KLKB1: variants seen among roughly 807,000 people sequenced by gnomAD.
KLKB1 encodes the protein kallikrein B1.
KLKB1 carries 58 observed loss-of-function variants against 73.6 expected under a neutral mutation model. The observed-to-expected ratio is 0.79, with a 90% CI of 0.64 to 0.98. The LOEUF is 0.98. Among genes scored for constraint, KLKB1 ranks in the 50% least tolerant of loss-of-function variants. KLKB1 has a pLI of 0.00. For missense variants in KLKB1, 737 were observed against 763.8 expected (o/e 0.96, Z 0.41); for synonymous variants, 280 against 258.1 (o/e 1.08, Z -0.81).
intron 6 of KLKB1, among the ~76,000 whole-genome samples, chr4:186,242,104 T>C (rs1738082664): frequency 6.6e-6 from 1 of 150,382 alleles, no homozygotes; most frequent in Non-Finnish European, 1.5e-5. Context: ...TTTGGGTAGG[T>C]AGTGGAAAAT....
intron 5 of KLKB1, 41 bp downstream of exon 5, chr4:186,236,981 T>C (rs1407695136): frequency 4.4e-6 from 7 of 1,601,380 alleles, no homozygotes; most frequent in Non-Finnish European, 5.1e-6. Flanking sequence ...TATTGGTGCC[T>C]CCAGGATTTC....
chr4:186,234,842 G>A (rs746575351), intron 4 of KLKB1, among the ~76,000 whole-genome samples: 8 of 152,200 alleles, frequency 5.3e-5, no homozygotes, highest in Non-Finnish European at 1.2e-4. Context: ...GGACTGATAA[G>A]AAAGTGAAAA....
intron 2 of KLKB1, among the ~76,000 whole-genome samples, chr4:186,219,394 T>C (rs535875113): frequency 2.6e-5 from 4 of 152,326 alleles, no homozygotes; most frequent in Non-Finnish European, 5.9e-5. Flanking sequence ...TAATACATAA[T>C]ACAGCTATCC....
chr4:186,213,933 A>G (rs1303494253), intron 2 of KLKB1, among the ~76,000 whole-genome samples: 2 of 152,164 alleles, frequency 1.3e-5, no homozygotes, highest in Admixed American at 6.5e-5. Context: ...TCCTACAATG[A>G]ATTACCGGCT....
chr4:186,231,791 T>C (rs1737408249), intron 2 of KLKB1, among the ~76,000 whole-genome samples: 1 of 152,218 alleles, frequency 6.6e-6, no homozygotes, highest in African/African-American at 2.4e-5. Context: ...AGAGCAAATA[T>C]TATTCTTTTT....
rs372138508 is a variant in KLKB1 at position 186,236,957 on chromosome 4, G to C, written c.488+17G>C. On this transcript the variant is annotated intron_variant, in intron 5 of 14. Transcript: ENST00000264690. Reference sequence around the variant, plus strand: ...AGAGTACCGGTGAGTACAATTCAAGGTGTGTGTTCTTTGTATTGGTGCCTC... The same window carrying C: ...AGAGTACCGGTGAGTACAATTCAAGCTGTGTGTTCTTTGTATTGGTGCCTC... The C allele has an allele frequency of 3.1e-6, 5 of 1,613,674 alleles. No individual in the cohort carries two copies. Among genetic ancestry groups the C allele is most frequent in the Non-Finnish European group, 4.2e-6 (5 of 1,179,742 alleles).
chr4:186,238,366 G>C lies in KLKB1; in HGVS notation c.598+1G>C. ...AAGCCCTGTGCCCTTTCAGAAATTG[G>C]TAATTGTAGGACTACTTCACTTTGT... is the stretch of plus-strand genomic sequence containing the variant. On this transcript the variant is annotated splice_donor_variant, in intron 6 of 14. Coordinates refer to ENST00000264690, the MANE Select transcript of KLKB1 (RefSeq NM_000892.5). LOFTEE classifies it high-confidence loss of function. 6.3e-7 allele frequency: 1 copy of C among 1,590,182 alleles called. No individual in the cohort carries two copies. The highest frequency in any genetic ancestry group is 2.2e-5 in the East Asian group (1 of 44,748).
intron 6 of KLKB1, among the ~76,000 whole-genome samples, chr4:186,249,249 T>G (rs1038902619): frequency 3.9e-5 from 6 of 152,200 alleles, no homozygotes; most frequent in African/African-American, 1.4e-4. Context: ...TTTGAAGATT[T>G]TTGCTTATGA....
intron 4 of KLKB1, 41 bp from the exon 5 acceptor site, chr4:186,236,740 G>A: frequency 6.2e-7 from 1 of 1,608,160 alleles, no homozygotes; most frequent in Non-Finnish European, 8.5e-7. Context: ...CCTCTAGAAA[G>A]AAAATGGACT....
intron 5 of KLKB1, among the ~76,000 whole-genome samples, chr4:186,237,695 G>A (rs773330258): frequency 2.4e-4 from 36 of 151,956 alleles, no homozygotes; most frequent in Admixed American, 1.4e-3. Flanking sequence ...GATGTATGGG[G>A]TACAAGTGTA....
chr4:186,224,481 CAG>C (rs1716714713), upstream of KLKB1, among the ~76,000 whole-genome samples: 1 of 152,202 alleles, frequency 6.6e-6, no homozygotes, highest in African/African-American at 2.4e-5. Context: ...GGGTGTGAGA[CAG>C]GGGCTCCAAG....
At chr4:186,255,870 C>CA in intron 12 of KLKB1, 122 bp from the exon 13 acceptor site, 1 of 721,622 alleles carries the variant, frequency 1.4e-6, no homozygotes. Flanking sequence ...GGGCAGAAAG[C>CA]AAAAAATTAT....
intron 2 of KLKB1, among the ~76,000 whole-genome samples, chr4:186,218,074 C>T (rs1736946082): frequency 6.6e-6 from 1 of 152,182 alleles, no homozygotes. Context: ...GAATGAATGG[C>T]CATGGCTGTG....
In KLKB1 at chr4:186,254,614, T is replaced by C. The variant is rs1199356136; in HGVS notation, c.1340T>C (p.Ile447Thr). Residue 447 changes from isoleucine (I) to threonine (T), a missense_variant, in exon 12 of 15, where the codon ATC (isoleucine) becomes ACC (threonine). Transcript: ENST00000264690. ...DGLPLQDVWR[I>T]YSGILNLSDI... ...CTTCCCCTGCAGGATGTTTGGCGCA[T>C]CTATAGTGGCATTTTAAATCTGTCA... 1 of 1,613,946 alleles carries C rather than the reference T, an allele frequency of 6.2e-7. No individual in the cohort carries two copies. The highest frequency in any genetic ancestry group is 2.2e-5 in the East Asian group (1 of 44,892).
In KLKB1 at chr4:186,256,706, G is replaced by A. The variant is rs565841125; in HGVS notation, c.1586-520G>A. 5.9e-5 allele frequency among the ~76,000 whole-genome samples: 9 copies of A among 152,266 alleles called. No homozygotes were observed. In the East Asian group the frequency reaches 1.7e-3, roughly 29 times the overall value. On this transcript the variant is annotated intron_variant, in intron 13 of 14. Coordinates refer to ENST00000264690, the MANE Select transcript of KLKB1 (RefSeq NM_000892.5). ...TTATTCAAAAACAAAAGACCCCTCT[G>A]TTGCCAAAGCTCGGAGGGCTTTTCA...
chr4:186,228,926 G>A (rs1325901820), intron 2 of KLKB1: 1 of 152,212 alleles, frequency 6.6e-6, no homozygotes, highest in Non-Finnish European at 1.5e-5. Flanking sequence ...GGTGACTTAA[G>A]AGGGCCACAC....
intron 4 of KLKB1, among the ~76,000 whole-genome samples, chr4:186,235,677 T>G (rs1379683091): frequency 1.3e-5 from 2 of 152,194 alleles, no homozygotes. Context: ...TCAACCATAC[T>G]TCTTAGGAGT....
In KLKB1 at chr4:186,258,268, GC is replaced by G. The variant is rs1739128256; in HGVS notation, c.*58del. On this transcript the variant is annotated 3_prime_UTR_variant, in exon 15 of 15. Transcript: ENST00000264690. ...AACCTGAGTTCAAGTCAAATTCTGA[GC>G]CTGGGGGGTCCTCATCTGCAAAGCA... 1 of 1,460,524 alleles carries G rather than the reference GC, an allele frequency of 6.8e-7. No individual in the cohort carries two copies. Among genetic ancestry groups the G allele is most frequent in the African/African-American group, 1.4e-5 (1 of 71,658 alleles). The allele number at this position is 1,460,524 out of a possible 1,614,324, so 90.5% of individuals were successfully genotyped here. A position where few individuals can be genotyped will look rare whatever the true frequency, so the allele number is the denominator to read the frequency against.
chr4:186,233,571 A>C (rs1418154624), intron 3 of KLKB1, among the ~76,000 whole-genome samples: 2 of 152,246 alleles, frequency 1.3e-5, no homozygotes, highest in Non-Finnish European at 2.9e-5. Flanking sequence ...AGGAGTTAAT[A>C]AGCAAGATGA....
Sources: gnomAD v4.1 joint callset for allele counts (sites outside exome capture counted in the v4.1 genomes callset) on GRCh38, gnomAD v4.1.1 for gene constraint, MANE v1.5 for transcripts, NCBI Gene and HGNC (gene_info 2026-07-23, HGNC 2026-07-21) for gene names.